Variants in MYO5B observed in about 807,000 individuals in gnomAD.
MYO5B encodes the protein myosin VB.
MYO5B carries 143 observed loss-of-function variants against 229.3 expected under a neutral mutation model. That is an observed-to-expected ratio of 0.62 (90% CI 0.54 to 0.72). The LOEUF (loss-of-function observed/expected upper bound fraction) is 0.72. Ranked by LOEUF, MYO5B falls within the 30% of genes least tolerant of loss-of-function variation. MYO5B has a pLI of 0.00. For synonymous variants in MYO5B, 918 were observed against 885.2 expected (o/e 1.04, Z -0.66); for missense variants, 2,321 against 2,331.0 (o/e 1.00, Z 0.09).
chr18:50,058,913 C>T (rs1237885633), intron 1 of MYO5B, among the ~76,000 whole-genome samples: 1 of 152,174 alleles, frequency 6.6e-6, no homozygotes, highest in Non-Finnish European at 1.5e-5. Flanking sequence ...GCCACAGTGC[C>T]CTACCTTACT....
rs563332706 is a variant in MYO5B, at chr18:49,981,482, A to T, written c.947-929T>A. Among the ~76,000 whole-genome samples, 189 of 152,376 alleles carry T rather than the reference A, an allele frequency of 1.2e-3. 1 individual carries two copies. The highest frequency in any genetic ancestry group is 4.4e-3 in the African/African-American group (182 of 41,592). ...GATAATCTACAAAGTGGACAACCCA[A>T]GCAACATTAACTCTAGGCTTTTATG... is the stretch of plus-strand genomic sequence containing the variant. On this transcript the variant is annotated intron_variant, in intron 8 of 39. Transcript: ENST00000285039.
chr18:49,972,764 A>C (rs2025704730), intron 10 of MYO5B, among the ~76,000 whole-genome samples: 1 of 152,166 alleles, frequency 6.6e-6, no homozygotes, highest in Non-Finnish European at 1.5e-5. Context: ...TGCTCTCCCA[A>C]GAGCAACTAC....
intron 26 of MYO5B, among the ~76,000 whole-genome samples, chr18:49,873,875 G>A (rs957843574): frequency 7.9e-5 from 12 of 152,200 alleles, no homozygotes; most frequent in Non-Finnish European, 1.5e-4. Context: ...CACCCTCACA[G>A]CGCCTCAGTC....
chr18:50,046,873 A>C (rs1459366512), intron 2 of MYO5B, among the ~76,000 whole-genome samples: 1 of 152,194 alleles, frequency 6.6e-6, no homozygotes, highest in African/African-American at 2.4e-5. Flanking sequence ...TGCTGGGAAA[A>C]CTGGCTAGCC....
In MYO5B at chr18:49,822,811, T is replaced by G. The variant is rs2144002467; in HGVS notation, c.*3660A>C. ...AAATTTCATTTAGATTTGGCACACC[T>G]CTTTATTCAAAAGTATTTATTTCCA... On this transcript the variant is annotated 3_prime_UTR_variant, in exon 40 of 40. Coordinates refer to ENST00000285039, the MANE Select transcript of MYO5B (RefSeq NM_001080467.3). 1 of 152,364 alleles carries G rather than the reference T, an allele frequency of 6.6e-6. No homozygotes were observed. The highest frequency in any genetic ancestry group is 2.4e-5 in the African/African-American group (1 of 41,600). 9.4% of individuals were successfully genotyped at this position (152,364 alleles called of 1,614,324 possible). A position where few individuals can be genotyped will look rare whatever the true frequency, so the allele number is the denominator to read the frequency against.
intron 1 of MYO5B, among the ~76,000 whole-genome samples, chr18:50,060,506 A>G (rs1053397810): frequency 3.3e-5 from 5 of 152,198 alleles, no homozygotes; most frequent in Non-Finnish European, 7.3e-5. Flanking sequence ...TCCTATTTTA[A>G]CAACACTTAA....
intron 1 of MYO5B, among the ~76,000 whole-genome samples, chr18:50,149,210 C>T (rs182254750): frequency 0.022 from 3,364 of 152,226 alleles, 119 homozygotes; most frequent in African/African-American, 0.077. Flanking sequence ...GAAGAACATT[C>T]CATGCTCATG....
intron 1 of MYO5B, among the ~76,000 whole-genome samples, chr18:50,153,220 A>C: frequency 6.6e-6 from 1 of 152,188 alleles, no homozygotes; most frequent in East Asian, 1.9e-4. Context: ...GATTTGGGTC[A>C]TGTTCAATGT....
intron 17 of MYO5B, among the ~76,000 whole-genome samples, chr18:49,914,597 T>C (rs1022088030): frequency 4.6e-5 from 7 of 151,766 alleles, no homozygotes; most frequent in African/African-American, 9.7e-5. Context: ...CTGGCCAACA[T>C]AGTGAAACCC....
chr18:49,982,304 T>C (rs2144296106), intron 8 of MYO5B, among the ~76,000 whole-genome samples: 1 of 152,292 alleles, frequency 6.6e-6, no homozygotes, highest in Admixed American at 6.5e-5. Flanking sequence ...GCAATCCTCC[T>C]GCTTCAGCCT....
chr18:50,024,190 G>A (rs1051395364), intron 4 of MYO5B, among the ~76,000 whole-genome samples: 5 of 152,172 alleles, frequency 3.3e-5, no homozygotes, highest in Admixed American at 1.3e-4. Flanking sequence ...AAAAACCCGA[G>A]TGAGCATATA....
At chr18:49,843,481 C>CA (rs2024087581) in intron 33 of MYO5B, 89 bp from the exon 34 acceptor site, 1 of 1,477,220 alleles carries the variant, frequency 6.8e-7, no homozygotes, top group Non-Finnish European at 9.4e-7. Context: ...GACGTGTTTT[C>CA]AATATTTCCC....
chr18:50,180,599 A>C (rs1444081110), intron 1 of MYO5B, among the ~76,000 whole-genome samples: 1 of 152,226 alleles, frequency 6.6e-6, no homozygotes, highest in Non-Finnish European at 1.5e-5. Context: ...GTTCAGTGGC[A>C]TCAAGTACAT....
intron 27 of MYO5B, among the ~76,000 whole-genome samples, chr18:49,870,242 C>G (rs1269409788): frequency 6.6e-6 from 1 of 152,184 alleles, no homozygotes; most frequent in Non-Finnish European, 1.5e-5. Context: ...ACATCCACAG[C>G]AAAAGAATTA....
intron 23 of MYO5B, chr18:49,879,527 G>T (rs778633376): frequency 8.5e-6 from 2 of 235,124 alleles, no homozygotes; most frequent in Non-Finnish European, 1.7e-5. Context: ...AGAGAAGGAT[G>T]GGCTACTTCC....
At chr18:50,189,156 C>T (rs1019432422) in intron 1 of MYO5B, among the ~76,000 whole-genome samples, 14 of 152,314 alleles carry the variant, frequency 9.2e-5, no homozygotes, top group Admixed American at 3.3e-4. Flanking sequence ...TTGAGATTCT[C>T]AACATCCACT....
chr18:49,866,271 A>G (rs644441), intron 27 of MYO5B, among the ~76,000 whole-genome samples: 1 of 150,992 alleles, frequency 6.6e-6, no homozygotes, highest in Non-Finnish European at 1.5e-5. Flanking sequence ...GGGTTTCACC[A>G]TGTTAGTCAG....
Position 50,195,002 on chromosome 18 carries a change from G to T in MYO5B, c.-209C>A. 4.9e-6 allele frequency: 3 copies of T among 606,818 alleles called. No homozygotes were observed. Among genetic ancestry groups the T allele is most frequent in the Non-Finnish European group, 7.0e-6 (3 of 427,746 alleles). The allele number at this position is 606,818 out of a possible 1,614,324, so 37.6% of individuals were successfully genotyped here. ...CCTTTACTCCCGCCGCGGCGGCGCA[G>T]CTACGGCCGGACAGGAGTTGCGAGC... On this transcript the variant is annotated 5_prime_UTR_variant, in exon 1 of 40. It adds an upstream start codon to the 5' untranslated region. Transcript: ENST00000285039.
At chr18:50,089,144 C>A (rs1239288984) in intron 1 of MYO5B, among the ~76,000 whole-genome samples, 1 of 152,072 alleles carries the variant, frequency 6.6e-6, no homozygotes, top group Admixed American at 6.6e-5. Flanking sequence ...CTTTGGGAGA[C>A]CAAGGTGGAC....
Sources: gnomAD v4.1 joint callset for allele counts (sites outside exome capture counted in the v4.1 genomes callset) on GRCh38, gnomAD v4.1.1 for gene constraint, MANE v1.5 for transcripts, NCBI Gene and HGNC (gene_info 2026-07-23, HGNC 2026-07-21) for gene names.